Variants in CCDC85A observed in about 807,000 individuals in gnomAD.
CCDC85A encodes coiled-coil domain-containing protein 85A.
A neutral mutation model predicts 50.2 loss-of-function variants in CCDC85A; 38 were observed. The observed-to-expected ratio is 0.76, with a 90% CI of 0.58 to 0.99. The LOEUF (loss-of-function observed/expected upper bound fraction) is 0.99, where lower values mean the gene tolerates loss of function less well. CCDC85A is among the 50% of genes least tolerant of loss of function. The probability of loss-of-function intolerance (pLI) is 0.00; values close to 1 mark genes in which losing one functional copy is unlikely to be tolerated. For missense variants in CCDC85A, 820 were observed against 742.0 expected, an observed-to-expected ratio of 1.11 and a Z score of -1.22; for synonymous variants, 366 against 301.4, an observed-to-expected ratio of 1.21 and a Z score of -2.22.
Position 56,380,457 on chromosome 2 carries a change from G to A in CCDC85A, c.1573-3809G>A, listed in dbSNP as rs187208321. 2.0e-3 allele frequency among the ~76,000 whole-genome samples: 305 copies of A among 152,078 alleles called. 1 individual carries two copies. Among genetic ancestry groups the A allele is most frequent in the African/African-American group, 7.2e-3 (299 of 41,524 alleles). ...CACCTATAGTCCCAGCACTTTGGGA[G>A]GCTGAAGAGGGAAAATTGCTTTAGC... On this transcript the variant is annotated intron_variant, in intron 5 of 5. Coordinates refer to ENST00000407595, the MANE Select transcript of CCDC85A (RefSeq NM_001080433.2).
Position 56,192,956 on chromosome 2 carries a change from G to A in CCDC85A, c.756G>A (p.Arg252=), listed in dbSNP as rs769946713. The A allele has an allele frequency of 1.9e-6, 3 of 1,612,092 alleles. No homozygotes were observed. The highest frequency in any genetic ancestry group is 2.2e-5 in the East Asian group (1 of 44,706). The part of the protein sequence containing the change: ...SEGSPEHSKH[R]SASPEHPQKP... ...GCAGCCCGGAGCACTCCAAGCACAG[G>A]AGCGCCAGCCCCGAGCATCCACAGA... Residue 252 remains arginine (R), a synonymous_variant, in exon 2 of 6, where the codon AGG becomes AGA. Coordinates refer to ENST00000407595, the MANE Select transcript of CCDC85A (RefSeq NM_001080433.2). The surrounding 1 kb of genome is among the most constrained non-coding windows in gnomAD (Gnocchi z 4.7).
intron 3 of CCDC85A, among the ~76,000 whole-genome samples, chr2:56,354,064 G>A (rs2193481): frequency 0.41 from 62,134 of 152,012 alleles, 14,146 homozygotes; most frequent in African/African-American, 0.62. Flanking sequence ...CATATTGCAT[G>A]TAATAAAAGA....
At chr2:56,231,954 A>G (rs1187489032) in intron 2 of CCDC85A, among the ~76,000 whole-genome samples, 8 of 151,192 alleles carry the variant, frequency 5.3e-5, no homozygotes, top group Admixed American at 1.3e-4. Flanking sequence ...GTAACACTTC[A>G]TCTCTTGGTG....
intron 5 of CCDC85A, among the ~76,000 whole-genome samples, chr2:56,380,407 T>C (rs1042375980): frequency 2.0e-5 from 3 of 151,842 alleles, no homozygotes; most frequent in Non-Finnish European, 4.4e-5. Context: ...ACCTAAAAGA[T>C]AGTTAGGCCA....
chr2:56,216,035 T>C (rs909876872), intron 2 of CCDC85A, among the ~76,000 whole-genome samples: 1 of 151,954 alleles, frequency 6.6e-6, no homozygotes, highest in African/African-American at 2.4e-5. Context: ...AGTTGAATAT[T>C]TGCAACAGAG....
intron 2 of CCDC85A, among the ~76,000 whole-genome samples, chr2:56,297,461 A>G (rs988585249): frequency 9.4e-5 from 14 of 148,270 alleles, no homozygotes; most frequent in Non-Finnish European, 1.6e-4. Flanking sequence ...TTTCCAGAGC[A>G]TGTTTATATG....
intron 3 of CCDC85A, among the ~76,000 whole-genome samples, chr2:56,368,519 A>C (rs1675916773): frequency 6.6e-6 from 1 of 152,162 alleles, no homozygotes; most frequent in Non-Finnish European, 1.5e-5. Flanking sequence ...CTCCCCCTTA[A>C]ACTAGGCATA....
intron 3 of CCDC85A, among the ~76,000 whole-genome samples, chr2:56,349,370 T>C (rs561870169): frequency 4.6e-5 from 7 of 152,208 alleles, no homozygotes; most frequent in African/African-American, 1.7e-4. Flanking sequence ...ACGAGTGGTG[T>C]GGGTGTGTTG....
intron 2 of CCDC85A, among the ~76,000 whole-genome samples, chr2:56,321,218 T>A (rs140538640): frequency 0.1 from 15,264 of 152,126 alleles, 988 homozygotes; most frequent in East Asian, 0.32. Flanking sequence ...GCATTCCCTT[T>A]GAAAACTGGC....
intron 5 of CCDC85A, among the ~76,000 whole-genome samples, chr2:56,382,344 C>G (rs1039388259): frequency 1.3e-5 from 2 of 151,866 alleles, no homozygotes; most frequent in Non-Finnish European, 2.9e-5. Flanking sequence ...AGAAGTTTTG[C>G]TGTCATTTCT....
At chr2:56,229,680 A>T (rs1335411486) in intron 2 of CCDC85A, among the ~76,000 whole-genome samples, 2 of 152,190 alleles carry the variant, frequency 1.3e-5, no homozygotes, top group African/African-American at 2.4e-5. Flanking sequence ...GTCTTTAAAG[A>T]TAATAGAACC....
intron 2 of CCDC85A, among the ~76,000 whole-genome samples, chr2:56,308,854 C>T (rs1332884382): frequency 6.6e-6 from 1 of 152,114 alleles, no homozygotes; most frequent in African/African-American, 2.4e-5. Flanking sequence ...GAATCCTGGC[C>T]GTGTAAATTC....
chr2:56,356,734 A>G (rs1301765953), intron 3 of CCDC85A, among the ~76,000 whole-genome samples: 1 of 151,138 alleles, frequency 6.6e-6, no homozygotes, highest in Non-Finnish European at 1.5e-5. Flanking sequence ...TCTCAAGGAA[A>G]AAAAAAAAAA....
intron 2 of CCDC85A, among the ~76,000 whole-genome samples, chr2:56,234,389 C>T (rs890829639): frequency 3.9e-5 from 6 of 152,188 alleles, no homozygotes; most frequent in African/African-American, 1.4e-4. Flanking sequence ...TGAGCAGAAA[C>T]TCAGTGAATA....
chr2:56,341,490 GT>G (rs1486563797), intron 2 of CCDC85A, among the ~76,000 whole-genome samples: 9 of 152,148 alleles, frequency 5.9e-5, no homozygotes, highest in Admixed American at 5.9e-4. Context: ...GTCTATTGCT[GT>G]GTACCTTTCA....
chr2:56,250,991 G>A (rs914186423), intron 2 of CCDC85A, among the ~76,000 whole-genome samples: 2 of 151,562 alleles, frequency 1.3e-5, no homozygotes, highest in Non-Finnish European at 2.9e-5. Context: ...TTCCATTTTA[G>A]TTTAGTTCTG....
intron 2 of CCDC85A, among the ~76,000 whole-genome samples, chr2:56,253,211 C>G (rs931301319): frequency 2.6e-5 from 4 of 152,132 alleles, no homozygotes; most frequent in Non-Finnish European, 5.9e-5. Flanking sequence ...AGTCCCTACG[C>G]CCATCAAGGA....
Position 56,238,424 on chromosome 2 carries a change from A to G in CCDC85A, c.1240+44984A>G, listed in dbSNP as rs116206603. On this transcript the variant is annotated intron_variant, in intron 2 of 5. Coordinates refer to ENST00000407595, the MANE Select transcript of CCDC85A (RefSeq NM_001080433.2). ...AGAGTAACATTCTGTCTAAAAAAAA[A>G]AAAAAAAAGTGGCACTCAGCGTTCA... is the stretch of plus-strand genomic sequence containing the variant. Among the ~76,000 whole-genome samples, 244 of 152,198 alleles carry G rather than the reference A, an allele frequency of 1.6e-3. 1 individual carries two copies. The highest frequency in any genetic ancestry group is 5.6e-3 in the African/African-American group (234 of 41,544).
intron 3 of CCDC85A, among the ~76,000 whole-genome samples, chr2:56,372,122 G>A (rs1339541318): frequency 6.6e-6 from 1 of 152,104 alleles, no homozygotes; most frequent in African/African-American, 2.4e-5. Context: ...AATTTATAAT[G>A]TAGTTATATG....
Sources: gnomAD v4.1 joint callset for allele counts (sites outside exome capture counted in the v4.1 genomes callset) on GRCh38, gnomAD v4.1.1 for gene constraint, Gnocchi (gnomAD v3.1) non-coding constraint, MANE v1.5 for transcripts, NCBI Gene and HGNC (gene_info 2026-07-23, HGNC 2026-07-21) for gene names.